The following PDE12 variants were observed in gnomAD, a reference collection of about 807,000 sequenced individuals.
PDE12 encodes phosphodiesterase 12.
A neutral mutation model predicts 45.4 loss-of-function variants in PDE12; 26 were observed. The observed-to-expected ratio is 0.57, with a 90% confidence interval of 0.42 to 0.79. The LOEUF (loss-of-function observed/expected upper bound fraction) is 0.79. Among genes scored for constraint, PDE12 ranks in the 30% least tolerant of loss-of-function variants. The probability of loss-of-function intolerance (pLI) is 0.00; values close to 1 mark genes in which losing one functional copy is unlikely to be tolerated. For missense variants in PDE12, 668 were observed against 790.0 expected (o/e 0.85, Z 1.85); for synonymous variants, 283 against 323.9 (o/e 0.87, Z 1.36).
At chr3:57,592,092 C>G in the PDE12 span, among the ~76,000 whole-genome samples, 1 of 152,102 alleles carries the variant, frequency 6.6e-6, no homozygotes, top group Non-Finnish European at 1.5e-5. Context: ...AAAAAATTTT[C>G]TAAAAAGCCA....
the PDE12 span, among the ~76,000 whole-genome samples, chr3:57,589,094 C>CT: frequency 9.1e-6 from 1 of 109,768 alleles, no homozygotes; most frequent in Non-Finnish European, 2.0e-5. Context: ...AGGAGCAAAA[C>CT]TCCGTCTCAA....
chr3:57,570,519 T>C (rs1283024893), downstream of PDE12, among the ~76,000 whole-genome samples: 1 of 151,992 alleles, frequency 6.6e-6, no homozygotes, highest in Non-Finnish European at 1.5e-5. Flanking sequence ...CGCCTGGCCA[T>C]TGTTATTTAT....
the PDE12 span, among the ~76,000 whole-genome samples, chr3:57,600,371 C>A: frequency 1.3e-5 from 2 of 151,086 alleles, no homozygotes; most frequent in East Asian, 1.9e-4. Flanking sequence ...CCTTTCTTTT[C>A]TTTCTTTCTC....
intron 1 of PDE12, among the ~76,000 whole-genome samples, chr3:57,558,269 A>T (rs927015714): frequency 6.6e-6 from 1 of 152,180 alleles, no homozygotes; most frequent in Non-Finnish European, 1.5e-5. Context: ...GACTCCACAC[A>T]ACAGCCCATG....
At chr3:57,636,753 A>C in the PDE12 span, among the ~76,000 whole-genome samples, 1 of 151,962 alleles carries the variant, frequency 6.6e-6, no homozygotes, top group Admixed American at 6.6e-5. Context: ...CCTGGCCAAC[A>C]TGGGGAAGCC....
At chr3:57,616,644 AAGGAAGACAT>A in the PDE12 span, among the ~76,000 whole-genome samples, 1 of 152,232 alleles carries the variant, frequency 6.6e-6, no homozygotes, top group African/African-American at 2.4e-5. Context: ...CCAGACTTTT[AAGGAAGACAT>A]AATACCAATT....
the PDE12 span, chr3:57,575,744 T>TAC: frequency 6.8e-7 from 1 of 1,461,912 alleles, no homozygotes; most frequent in Non-Finnish European, 9.2e-7. Flanking sequence ...TTCCTATATA[T>TAC]ACTTTACTCA....
chr3:57,631,316 T>C, the PDE12 span: 31,572 of 192,828 alleles, frequency 0.16, 3,424 homozygotes, highest in East Asian at 0.46. Flanking sequence ...CCCGCCTCAG[T>C]CTCCCAAGCA....
the PDE12 span, among the ~76,000 whole-genome samples, chr3:57,574,234 C>T: frequency 1.3e-5 from 2 of 152,100 alleles, no homozygotes; most frequent in Non-Finnish European, 2.9e-5. Context: ...CCACTGCACC[C>T]GGCCTGCAAT....
At chr3:57,584,098 A>G in the PDE12 span, 2 of 895,106 alleles carry the variant, frequency 2.2e-6, no homozygotes, top group Non-Finnish European at 3.5e-6. Context: ...GTGTTTTTAA[A>G]GTACTTCTTT....
the PDE12 span, among the ~76,000 whole-genome samples, chr3:57,616,303 CA>C: frequency 6.6e-6 from 1 of 151,134 alleles, no homozygotes; most frequent in Admixed American, 6.6e-5. Context: ...GCCTGGGCTA[CA>C]AAGTGACACC....
At chr3:57,577,505 A>T in the PDE12 span, 1 of 771,820 alleles carries the variant, frequency 1.3e-6, no homozygotes, top group Non-Finnish European at 2.2e-6. Context: ...TCTCTTTAAA[A>T]GTAAGAACTT....
the PDE12 span, chr3:57,641,790 AGAT>A: frequency 6.9e-5 from 104 of 1,508,432 alleles, no homozygotes; most frequent in African/African-American, 1.3e-3. Context: ...GGTGAGAAAA[AGAT>A]GAATGCTAAA....
At chr3:57,558,989 AG>A (rs1474738473) in intron 1 of PDE12, among the ~76,000 whole-genome samples, 1 of 151,480 alleles carries the variant, frequency 6.6e-6, no homozygotes, top group East Asian at 2.0e-4. Flanking sequence ...TGGGAGGCCG[AG>A]GCGGGTGGAT....
chr3:57,599,497 A>C, the PDE12 span, among the ~76,000 whole-genome samples: 2 of 152,232 alleles, frequency 1.3e-5, no homozygotes, highest in Non-Finnish European at 2.9e-5. Context: ...TCTTAAATTC[A>C]AAAGACAAAC....
At chr3:57,619,865 A>C in the PDE12 span, among the ~76,000 whole-genome samples, 8 of 151,630 alleles carry the variant, frequency 5.3e-5, no homozygotes, top group South Asian at 2.1e-4. Context: ...ATAAATAAAT[A>C]AATCAAATAA....
At chr3:57,641,249 T>C in the PDE12 span, among the ~76,000 whole-genome samples, 1 of 143,940 alleles carries the variant, frequency 6.9e-6, no homozygotes, top group Admixed American at 7.2e-5. Flanking sequence ...ATATATATTA[T>C]ATATTTATAT....
the PDE12 span, among the ~76,000 whole-genome samples, chr3:57,594,460 A>G: frequency 1.3e-5 from 2 of 152,226 alleles, no homozygotes; most frequent in African/African-American, 4.8e-5. Flanking sequence ...TATAACTAGT[A>G]CATAATTTCT....
At chr3:57,586,283 C>T in the PDE12 span, among the ~76,000 whole-genome samples, 3 of 148,354 alleles carry the variant, frequency 2.0e-5, no homozygotes, top group Non-Finnish European at 4.5e-5. Context: ...TAAGCAAGGA[C>T]ACTTTCTTAA....
Sources: gnomAD v4.1 joint callset for allele counts (sites outside exome capture counted in the v4.1 genomes callset) on GRCh38, gnomAD v4.1.1 for gene constraint, MANE v1.5 for transcripts, NCBI Gene and HGNC (gene_info 2026-07-23, HGNC 2026-07-21) for gene names.